Variants in ZCCHC7 observed in about 807,000 individuals in gnomAD.
ZCCHC7 encodes zinc finger CCHC domain-containing protein 7.
In ZCCHC7, 35 loss-of-function variants were observed where a neutral mutation model predicts 52.0. The observed-to-expected ratio is 0.67, with a 90% CI of 0.51 to 0.89. The LOEUF is 0.89. Among genes scored for constraint, ZCCHC7 ranks in the 40% least tolerant of loss-of-function variants. The pLI, the probability that ZCCHC7 is intolerant of heterozygous loss-of-function variation, is 0.00. For missense variants in ZCCHC7, 574 were observed against 649.1 expected (o/e 0.88, Z 1.26); for synonymous variants, 217 against 221.5 (o/e 0.98, Z 0.18).
intron 2 of ZCCHC7, among the ~76,000 whole-genome samples, chr9:37,229,224 CAG>C (rs1652742480): frequency 6.6e-6 from 1 of 152,004 alleles, no homozygotes; most frequent in Non-Finnish European, 1.5e-5. Context: ...AAGCCAACAA[CAG>C]GGGAGTAGTT....
rs536833544 is a variant in ZCCHC7, at chr9:37,262,336, C to T, written c.611-39852C>T. 2.0e-5 allele frequency among the ~76,000 whole-genome samples: 3 copies of T among 151,710 alleles called. No individual in the cohort carries two copies. In the South Asian group the frequency reaches 6.3e-4, roughly 32 times the overall value. ...TAGTCATAATGACTATAGTTGCTAG[C>T]TATATATTCAGTTTATCTGAGGGGG... On this transcript the variant is annotated intron_variant, in intron 2 of 8. Transcript: ENST00000336755.
At chr9:37,245,308 T>G (rs1826036746) in intron 2 of ZCCHC7, among the ~76,000 whole-genome samples, 1 of 152,018 alleles carries the variant, frequency 6.6e-6, no homozygotes, top group South Asian at 2.1e-4. Context: ...ATGTTCAATA[T>G]TCTAGTACTT....
intron 2 of ZCCHC7, among the ~76,000 whole-genome samples, chr9:37,255,306 T>G (rs2066156632): frequency 6.6e-6 from 1 of 152,094 alleles, no homozygotes; most frequent in African/African-American, 2.4e-5. Context: ...AGCATTGTGA[T>G]GTAGTATTAG....
At chr9:37,223,609 T>C (rs970835800) in intron 2 of ZCCHC7, among the ~76,000 whole-genome samples, 5 of 152,148 alleles carry the variant, frequency 3.3e-5, no homozygotes, top group Admixed American at 2.0e-4. Flanking sequence ...GATACTGAGT[T>C]GTACATTTTA....
intron 2 of ZCCHC7, among the ~76,000 whole-genome samples, chr9:37,130,505 T>G (rs887330317): frequency 3.4e-5 from 5 of 149,038 alleles, no homozygotes; most frequent in African/African-American, 1.2e-4. Context: ...TTTTTTTTTT[T>G]TTTTTGAGAC....
chr9:37,213,930 A>T (rs898916015), intron 2 of ZCCHC7, among the ~76,000 whole-genome samples: 1 of 152,064 alleles, frequency 6.6e-6, no homozygotes, highest in Non-Finnish European at 1.5e-5. Flanking sequence ...GGAATCGGAG[A>T]TGATAGATAG....
At chr9:37,186,292 G>A (rs547057996) in intron 2 of ZCCHC7, among the ~76,000 whole-genome samples, 34 of 152,196 alleles carry the variant, frequency 2.2e-4, no homozygotes, top group African/African-American at 7.2e-4. Context: ...CAAGAGAAAC[G>A]TAAGAGGTTA....
chr9:37,323,978 G>T (rs1386431554), intron 5 of ZCCHC7, among the ~76,000 whole-genome samples: 2 of 152,128 alleles, frequency 1.3e-5, no homozygotes, highest in African/African-American at 2.4e-5. Context: ...ACTTATATTT[G>T]TGTGCATATG....
chr9:37,335,804 T>C (rs1446988769), intron 6 of ZCCHC7, among the ~76,000 whole-genome samples: 1 of 152,204 alleles, frequency 6.6e-6, no homozygotes, highest in East Asian at 1.9e-4. Flanking sequence ...CTTATTCTTT[T>C]CCATTTAGGC....
intron 2 of ZCCHC7, among the ~76,000 whole-genome samples, chr9:37,170,539 G>T (rs903388374): frequency 1.2e-4 from 19 of 152,168 alleles, no homozygotes; most frequent in African/African-American, 3.9e-4. Flanking sequence ...AGAGTGATGG[G>T]ACTGGTACGC....
chr9:37,236,406 T>C (rs1825651730), intron 2 of ZCCHC7, among the ~76,000 whole-genome samples: 1 of 149,376 alleles, frequency 6.7e-6, no homozygotes, highest in Admixed American at 6.7e-5. Context: ...TCTGAAGTGC[T>C]ATCAGATTTT....
At chr9:37,289,400 C>T (rs1228181306) in intron 2 of ZCCHC7, among the ~76,000 whole-genome samples, 2 of 152,150 alleles carry the variant, frequency 1.3e-5, no homozygotes, top group African/African-American at 4.8e-5. Context: ...CTGCCCGCCT[C>T]GGCCTCCCAA....
At chr9:37,305,796 T>C in intron 5 of ZCCHC7, 82 bp downstream of exon 5, 1 of 1,437,006 alleles carries the variant, frequency 7.0e-7, no homozygotes, top group Non-Finnish European at 9.6e-7. Context: ...TTTATAACTA[T>C]CAGTCAGCAT....
At chr9:37,234,605 A>G (rs1825557096) in intron 2 of ZCCHC7, among the ~76,000 whole-genome samples, 1 of 152,248 alleles carries the variant, frequency 6.6e-6, no homozygotes, top group Admixed American at 6.5e-5. Flanking sequence ...TTTTCTGATA[A>G]GAAACACAGA....
intron 2 of ZCCHC7, among the ~76,000 whole-genome samples, chr9:37,149,480 G>C (rs1179530338): frequency 1.3e-5 from 2 of 151,988 alleles, no homozygotes; most frequent in Non-Finnish European, 2.9e-5. Flanking sequence ...GTAAGAATTA[G>C]ATCATGGCTT....
At chr9:37,176,325 G>A (rs979013706) in intron 2 of ZCCHC7, among the ~76,000 whole-genome samples, 2 of 152,010 alleles carry the variant, frequency 1.3e-5, no homozygotes, top group South Asian at 2.1e-4. Context: ...CGCCTGCCTC[G>A]GCCTCCCAAA....
At chr9:37,298,686 AT>A (rs950363382) in intron 2 of ZCCHC7, among the ~76,000 whole-genome samples, 4 of 152,222 alleles carry the variant, frequency 2.6e-5, no homozygotes, top group Non-Finnish European at 2.9e-5. Flanking sequence ...TCTACATTTG[AT>A]TTTTATAGTG....
rs757107201 is a variant in ZCCHC7 at position 37,126,489 on chromosome 9, G to A, written c.157G>A (p.Glu53Lys). The A allele has an allele frequency of 1.2e-6, 2 of 1,613,692 alleles. No homozygotes were observed. Among genetic ancestry groups the A allele is most frequent in the Non-Finnish European group, 1.7e-6 (2 of 1,180,038 alleles). The change falls in exon 2 of 9, where the codon GAG (glutamate) becomes AAG (lysine). Residue 53 changes from glutamate (E) to lysine (K), a missense_variant. Physicochemically the swap from Glu to Lys is moderately conservative, Grantham distance 56. Coordinates refer to ENST00000336755, the MANE Select transcript of ZCCHC7 (RefSeq NM_032226.3). ...QDLDDVIREE[E>K]HEEKNSGNSE... is the part of the protein sequence containing the mutation. ...TCTTGATGATGTCATCAGGGAGGAAGAGCATGAAGAAAAGAACTCTGGGAA... is the reference window on the plus strand; with the variant it reads ...TCTTGATGATGTCATCAGGGAGGAAAAGCATGAAGAAAAGAACTCTGGGAA...
intron 6 of ZCCHC7, among the ~76,000 whole-genome samples, chr9:37,342,174 G>A (rs1002194448): frequency 6.6e-6 from 1 of 152,174 alleles, no homozygotes; most frequent in African/African-American, 2.4e-5. Flanking sequence ...GAAAGAGGTG[G>A]ATGTATTTGC....
Sources: gnomAD v4.1 joint callset for allele counts (sites outside exome capture counted in the v4.1 genomes callset) on GRCh38, gnomAD v4.1.1 for gene constraint, MANE v1.5 for transcripts, NCBI Gene and HGNC (gene_info 2026-07-23, HGNC 2026-07-21) for gene names.